The following PKHD1 variants were observed in gnomAD, a reference collection of about 807,000 sequenced individuals.
The protein encoded by PKHD1 is fibrocystin.
A neutral mutation model predicts 412.0 loss-of-function variants in PKHD1; 291 were observed. That is an observed-to-expected ratio of 0.71 (90% confidence interval 0.64 to 0.78). The LOEUF is 0.78. Ranked by LOEUF, PKHD1 falls within the 30% of genes least tolerant of loss-of-function variation. The pLI, the probability that PKHD1 is intolerant of heterozygous loss-of-function variation, is 0.00. For synonymous variants in PKHD1, 1,777 were observed against 1,821.5 expected (o/e 0.98, Z 0.62); for missense variants, 4,825 against 4,950.7 (o/e 0.97, Z 0.76).
At chr6:52,020,265 G>GCA (rs1304251539) in intron 33 of PKHD1, among the ~76,000 whole-genome samples, 4 of 152,254 alleles carry the variant, frequency 2.6e-5, no homozygotes, top group South Asian at 2.1e-4. Context: ...ATGCGTGCGT[G>GCA]CACACACACA....
intron 48 of PKHD1, among the ~76,000 whole-genome samples, chr6:51,861,271 G>A (rs1296122333): frequency 6.6e-6 from 1 of 152,120 alleles, no homozygotes; most frequent in East Asian, 1.9e-4. Flanking sequence ...TCCCACAAAG[G>A]ATTTGTTAGG....
intron 53 of PKHD1, among the ~76,000 whole-genome samples, chr6:51,789,405 T>C (rs570362531): frequency 1.2e-3 from 190 of 152,214 alleles, no homozygotes; most frequent in African/African-American, 4.1e-3. Context: ...TAAATTATTA[T>C]ATATACATGT....
intron 43 of PKHD1, among the ~76,000 whole-genome samples, chr6:51,897,919 A>G (rs376306584): frequency 3.4e-4 from 51 of 152,164 alleles, no homozygotes; most frequent in Admixed American, 5.9e-4. Context: ...GACAAAGAAG[A>G]CCATTACATA....
rs1562241470 is a variant in PKHD1, at chr6:52,054,026, CCGATTA to C, written c.1964+6_1964+11del. 6.2e-7 allele frequency: 1 copy of C among 1,613,812 alleles called. No individual in the cohort carries two copies. Among genetic ancestry groups the C allele is most frequent in the Non-Finnish European group, 8.5e-7 (1 of 1,179,766 alleles). On this transcript the variant is annotated splice_donor_region_variant and intron_variant, in intron 20 of 66. Transcript: ENST00000371117. ...ACTGAATTCCCACCACGCCTCCCCA[CCGATTA>C]GCTACCTCTCGGGGCTGGTCCTCGT...
chr6:51,904,865 G>A (rs933110712), intron 41 of PKHD1, among the ~76,000 whole-genome samples: 1 of 152,046 alleles, frequency 6.6e-6, no homozygotes, highest in Non-Finnish European at 1.5e-5. Flanking sequence ...TCCCTTGCAC[G>A]GACAAACATA....
intron 57 of PKHD1, 50 bp downstream of exon 57, chr6:51,753,151 G>A: frequency 6.5e-7 from 1 of 1,538,530 alleles, no homozygotes. Context: ...GGGTGTCCCA[G>A]ATGAATAGGC....
At chr6:51,849,590 A>G (rs1771829628) in intron 49 of PKHD1, among the ~76,000 whole-genome samples, 1 of 152,096 alleles carries the variant, frequency 6.6e-6, no homozygotes, top group Non-Finnish European at 1.5e-5. Flanking sequence ...TGCCATTCTG[A>G]CTGGCATGAG....
chr6:52,044,697 T>C (rs1411530719), intron 25 of PKHD1, among the ~76,000 whole-genome samples: 1 of 152,240 alleles, frequency 6.6e-6, no homozygotes, highest in African/African-American at 2.4e-5. Context: ...GCATAAATCA[T>C]ATTTAGCTAT....
At chr6:51,958,602 G>T (rs1015635070) in intron 36 of PKHD1, among the ~76,000 whole-genome samples, 3 of 152,020 alleles carry the variant, frequency 2.0e-5, no homozygotes, top group South Asian at 4.2e-4. Flanking sequence ...TCTCCCAAAT[G>T]GTAGTAGCAA....
intron 52 of PKHD1, among the ~76,000 whole-genome samples, chr6:51,805,205 A>G (rs1763581076): frequency 6.6e-6 from 1 of 152,318 alleles, no homozygotes. Flanking sequence ...GCCATAAAAA[A>G]GAATAAAATC....
chr6:52,036,824 A>C (rs538490907), intron 27 of PKHD1, among the ~76,000 whole-genome samples: 1 of 152,352 alleles, frequency 6.6e-6, no homozygotes, highest in South Asian at 2.1e-4. Flanking sequence ...AAGAAAACTA[A>C]AATAAATGGA....
At chr6:51,948,351 G>T (rs562745386) in intron 36 of PKHD1, among the ~76,000 whole-genome samples, 1 of 152,152 alleles carries the variant, frequency 6.6e-6, no homozygotes, top group East Asian at 1.9e-4. Flanking sequence ...GGCCCCATCT[G>T]CCTCTGCTCT....
chr6:51,786,119 T>C (rs1053157067), intron 53 of PKHD1, among the ~76,000 whole-genome samples: 1 of 152,150 alleles, frequency 6.6e-6, no homozygotes, highest in Non-Finnish European at 1.5e-5. Context: ...AGCTAGTTCA[T>C]ATAACTTGCC....
At chr6:51,675,970 T>A (rs1775773020) in intron 60 of PKHD1, among the ~76,000 whole-genome samples, 1 of 152,168 alleles carries the variant, frequency 6.6e-6, no homozygotes, top group Non-Finnish European at 1.5e-5. Context: ...TCATTCAGTA[T>A]GCTCTGTCCA....
chr6:51,970,567 G>T (rs940168708), intron 35 of PKHD1, among the ~76,000 whole-genome samples: 1 of 152,108 alleles, frequency 6.6e-6, no homozygotes, highest in African/African-American at 2.4e-5. Context: ...TTTCTTCTAG[G>T]ACTTTTATAC....
chr6:51,868,162 A>T, intron 47 of PKHD1, 53 bp from the exon 48 acceptor site: 1 of 1,423,064 alleles, frequency 7.0e-7, no homozygotes, highest in Admixed American at 1.7e-5. Context: ...ATAGCAACTA[A>T]ATTCACTGGA....
intron 60 of PKHD1, among the ~76,000 whole-genome samples, chr6:51,692,708 C>A (rs1242415239): frequency 1.3e-5 from 2 of 151,940 alleles, no homozygotes; most frequent in Non-Finnish European, 2.9e-5. Context: ...CATCACCTAT[C>A]TTTTTTTTCC....
At chr6:51,851,537 T>A (rs1355957571) in intron 49 of PKHD1, among the ~76,000 whole-genome samples, 1 of 152,188 alleles carries the variant, frequency 6.6e-6, no homozygotes, top group Non-Finnish European at 1.5e-5. Context: ...TGGGCTTTTT[T>A]TGGTTGTAGG....
At chr6:51,768,106 A>G (rs1489371357) in intron 55 of PKHD1, among the ~76,000 whole-genome samples, 2 of 151,882 alleles carry the variant, frequency 1.3e-5, no homozygotes, top group South Asian at 2.1e-4. Flanking sequence ...TTGGCTGCAT[A>G]AATGTCTTCT....
Sources: allele counts gnomAD v4.1 joint callset (sites outside exome capture counted in the v4.1 genomes callset), GRCh38; gene constraint gnomAD v4.1.1; transcripts MANE v1.5; gene names NCBI Gene and HGNC (gene_info 2026-07-23, HGNC 2026-07-21).